NBEA: variants seen among roughly 807,000 people sequenced by gnomAD.
The protein encoded by NBEA is neurobeachin, also known as lysosomal-trafficking regulator 2.
A neutral mutation model predicts 343.4 loss-of-function variants in NBEA; 44 were observed. That is an observed-to-expected ratio of 0.13 (90% CI 0.10 to 0.16). The LOEUF is 0.16. Among genes scored for constraint, NBEA ranks in the 10% least tolerant of loss-of-function variants. The probability of loss-of-function intolerance (pLI) is 1.00; values close to 1 mark genes in which losing one functional copy is unlikely to be tolerated. For missense variants in NBEA, 2,555 were observed against 3,631.3 expected (o/e 0.70, Z 7.62); for synonymous variants, 1,175 against 1,238.7 (o/e 0.95, Z 1.08).
chr13:35,264,568 C>T (rs2033498177), intron 34 of NBEA, among the ~76,000 whole-genome samples: 1 of 150,832 alleles, frequency 6.6e-6, no homozygotes, highest in Non-Finnish European at 1.5e-5. Flanking sequence ...TGAGATTCAT[C>T]CTAGGGATGC....
chr13:35,252,809 G>A (rs1430661587), intron 34 of NBEA, among the ~76,000 whole-genome samples: 1 of 152,164 alleles, frequency 6.6e-6, no homozygotes, highest in Admixed American at 6.5e-5. Flanking sequence ...AGTGGGCATG[G>A]ACTGAAGAAT....
At chr13:35,639,557 G>A (rs1489326161) in intron 49 of NBEA, among the ~76,000 whole-genome samples, 1 of 152,030 alleles carries the variant, frequency 6.6e-6, no homozygotes, top group African/African-American at 2.4e-5. Flanking sequence ...TGTCAAGCTT[G>A]TATTTTTTGG....
rs539340312 is a variant in NBEA, at chr13:34,989,376, C to T, written c.294+46262C>T. ...TCGATTCACATTTTCACAGGGTGTA[C>T]AGGAAGCCTGGCTGGGGAGGTTTCA... On this transcript the variant is annotated intron_variant, in intron 1 of 58. Coordinates refer to ENST00000379939, the MANE Select transcript of NBEA (RefSeq NM_001385012.1). Among the ~76,000 whole-genome samples, 87 of 151,036 alleles carry T rather than the reference C, an allele frequency of 5.8e-4. 1 individual carries two copies. Among genetic ancestry groups the T allele is most frequent in the African/African-American group, 2.0e-3 (81 of 41,428 alleles).
intron 41 of NBEA, among the ~76,000 whole-genome samples, chr13:35,495,913 T>C (rs2076659393): frequency 6.6e-6 from 1 of 152,006 alleles, no homozygotes; most frequent in African/African-American, 2.4e-5. Flanking sequence ...CCATGTGACT[T>C]GAAAGAACTG....
intron 17 of NBEA, among the ~76,000 whole-genome samples, chr13:35,124,081 C>T (rs149636903): frequency 6.6e-6 from 1 of 152,076 alleles, no homozygotes; most frequent in African/African-American, 2.4e-5. Flanking sequence ...TCTAAGAACA[C>T]TTTTTGTGTA....
intron 10 of NBEA, among the ~76,000 whole-genome samples, chr13:35,094,106 A>C (rs2065216141): frequency 6.6e-6 from 1 of 151,966 alleles, no homozygotes; most frequent in African/African-American, 2.4e-5. Context: ...TATATTTGTC[A>C]AAAATAAAAT....
At chr13:35,071,374 C>G (rs879654009) in intron 10 of NBEA, among the ~76,000 whole-genome samples, 2 of 151,908 alleles carry the variant, frequency 1.3e-5, no homozygotes, top group African/African-American at 2.4e-5. Flanking sequence ...AGGACTCAAT[C>G]TAACCAGGCA....
At chr13:35,097,636 A>T (rs1475281710) in intron 10 of NBEA, among the ~76,000 whole-genome samples, 1 of 152,036 alleles carries the variant, frequency 6.6e-6, no homozygotes, top group Non-Finnish European at 1.5e-5. Context: ...TTCCAAAGAC[A>T]AATCAAGTGC....
chr13:35,420,341 T>C (rs999151071), intron 38 of NBEA, among the ~76,000 whole-genome samples: 2 of 152,084 alleles, frequency 1.3e-5, no homozygotes, highest in Non-Finnish European at 2.9e-5. Flanking sequence ...GAATCGTTGC[T>C]AAATTTTGTC....
At chr13:35,046,078 T>A (rs562912702) in intron 4 of NBEA, among the ~76,000 whole-genome samples, 1 of 152,232 alleles carries the variant, frequency 6.6e-6, no homozygotes, top group East Asian at 1.9e-4. Context: ...GCTTTTGAGA[T>A]TTTTCCATGT....
chr13:35,662,210 G>A (rs1017772597), intron 55 of NBEA, among the ~76,000 whole-genome samples: 6 of 152,056 alleles, frequency 3.9e-5, no homozygotes, highest in Admixed American at 6.5e-5. Context: ...TTTAATATTC[G>A]GAGTTTCCAA....
At chr13:35,235,465 A>G (rs2075182622) in intron 34 of NBEA, among the ~76,000 whole-genome samples, 1 of 152,220 alleles carries the variant, frequency 6.6e-6, no homozygotes, top group South Asian at 2.1e-4. Context: ...AATAAAATAA[A>G]ACAGGGAATA....
chr13:35,253,347 A>G (rs2032204325), intron 34 of NBEA, among the ~76,000 whole-genome samples: 1 of 152,166 alleles, frequency 6.6e-6, no homozygotes, highest in Non-Finnish European at 1.5e-5. Flanking sequence ...CTTTGTTGGC[A>G]TTTTTTAGCA....
intron 36 of NBEA, among the ~76,000 whole-genome samples, chr13:35,311,619 C>T (rs1566602078): frequency 6.6e-6 from 1 of 152,042 alleles, no homozygotes; most frequent in Non-Finnish European, 1.5e-5. Flanking sequence ...TTTGGGAGGC[C>T]AAGTTGGGTG....
chr13:35,099,560 A>T (rs1219117248), intron 11 of NBEA, among the ~76,000 whole-genome samples: 1 of 152,162 alleles, frequency 6.6e-6, no homozygotes, highest in East Asian at 1.9e-4. Context: ...TATTTAGTAT[A>T]CATGAATTTA....
intron 38 of NBEA, among the ~76,000 whole-genome samples, chr13:35,356,992 A>G (rs188679313): frequency 6.6e-6 from 1 of 152,178 alleles, no homozygotes; most frequent in Non-Finnish European, 1.5e-5. Flanking sequence ...ATCACTTGGC[A>G]TATAATTTAC....
At chr13:35,371,631 C>G (rs1370993662) in intron 38 of NBEA, among the ~76,000 whole-genome samples, 1 of 152,040 alleles carries the variant, frequency 6.6e-6, no homozygotes. Context: ...GAATTTCCTG[C>G]TAGACCATAA....
intron 38 of NBEA, among the ~76,000 whole-genome samples, chr13:35,375,846 T>C (rs1484720234): frequency 6.6e-6 from 1 of 152,180 alleles, no homozygotes; most frequent in Non-Finnish European, 1.5e-5. Flanking sequence ...AGTTACTTTC[T>C]AAAATTCATA....
At chr13:35,100,958 T>A (rs557007726) in intron 11 of NBEA, among the ~76,000 whole-genome samples, 4 of 152,100 alleles carry the variant, frequency 2.6e-5, no homozygotes, top group African/African-American at 9.6e-5. Context: ...CATACAATAT[T>A]TGTCTTTTTG....
Sources: gnomAD v4.1 joint callset for allele counts (sites outside exome capture counted in the v4.1 genomes callset) on GRCh38, gnomAD v4.1.1 for gene constraint, MANE v1.5 for transcripts, NCBI Gene and HGNC (gene_info 2026-07-23, HGNC 2026-07-21) for gene names.